Variants in RABL2A observed in about 807,000 individuals in gnomAD.
RABL2A encodes the protein RAB, member of RAS oncogene family like 2A, also known as rab-like protein 2A.
RABL2A carries 17 observed loss-of-function variants against 30.7 expected under a neutral mutation model. The observed-to-expected ratio is 0.55, with a 90% confidence interval of 0.38 to 0.83. The LOEUF is 0.83. Among genes scored for constraint, RABL2A ranks in the 40% least tolerant of loss-of-function variants. The pLI, the probability that RABL2A is intolerant of heterozygous loss-of-function variation, is 0.00. For synonymous variants in RABL2A, 64 were observed against 101.8 expected, an observed-to-expected ratio of 0.63 and a Z score of 2.24; for missense variants, 155 against 272.6, an observed-to-expected ratio of 0.57 and a Z score of 3.04.
chr2:113,636,811 A>G (rs1423042471), intron 5 of RABL2A, among the ~76,000 whole-genome samples: 1 of 151,882 alleles, frequency 6.6e-6, no homozygotes, highest in Non-Finnish European at 1.5e-5. Flanking sequence ...ACACAGTGAA[A>G]CCCCGTCTCT....
intron 2 of RABL2A, among the ~76,000 whole-genome samples, chr2:113,629,686 C>T (rs1051277259): frequency 6.6e-6 from 1 of 152,176 alleles, no homozygotes; most frequent in African/African-American, 2.4e-5. Flanking sequence ...AGGCGCCCGC[C>T]ACCACACCCA....
chr2:113,634,539 G>A (rs894017769), intron 4 of RABL2A: 18 of 474,958 alleles, frequency 3.8e-5, no homozygotes, highest in Non-Finnish European at 6.9e-5. Context: ...GGCCTTCGAC[G>A]AGGCAGTAGT....
At chr2:113,640,638 A>G (rs1465749608) in intron 5 of RABL2A, 2 of 473,846 alleles carry the variant, frequency 4.2e-6, no homozygotes, top group Admixed American at 3.6e-5. Flanking sequence ...CAACCTCCCA[A>G]AGTGCTGGGA....
At chr2:113,638,252 C>T (rs1683691281) in intron 5 of RABL2A, 2 of 985,252 alleles carry the variant, frequency 2.0e-6, no homozygotes, top group Admixed American at 1.2e-4. Flanking sequence ...CATAGACTTC[C>T]TGCCACCTCT....
chr2:113,634,610 T>C (rs1574014582), intron 4 of RABL2A: 1 of 413,920 alleles, frequency 2.4e-6, no homozygotes, highest in East Asian at 5.3e-5. Context: ...GTCAGAACAT[T>C]ATCTCCCACA....
chr2:113,628,856 C>A, intron 2 of RABL2A, 143 bp downstream of exon 2: 1 of 1,535,696 alleles, frequency 6.5e-7, no homozygotes, highest in Non-Finnish European at 8.9e-7. Flanking sequence ...CATGGGGGAA[C>A]GAGGGGAATC....
rs574646577 is a variant in RABL2A, at chr2:113,634,538, C to T, written c.217+306C>T. 115 of 474,418 alleles carry T rather than the reference C, an allele frequency of 2.4e-4. 1 individual carries two copies. Among genetic ancestry groups the T allele is most frequent in the African/African-American group, 2.1e-3 (106 of 51,300 alleles). The allele number at this position is 474,418 out of a possible 1,614,324, so 29.4% of individuals were successfully genotyped here. The stretch of plus-strand genomic sequence containing the variant: ...GAAGAAGAACATAAGAGGCCTTCGA[C>T]GAGGCAGTAGTTTTCCTAGCTTCAG... On this transcript the variant is annotated intron_variant, in intron 4 of 8. Coordinates refer to ENST00000683472, the MANE Select transcript of RABL2A (RefSeq NM_001306158.2).
At chr2:113,636,763 C>T (rs557839850) in intron 5 of RABL2A, among the ~76,000 whole-genome samples, 10 of 152,022 alleles carry the variant, frequency 6.6e-5, no homozygotes, top group African/African-American at 1.4e-4. Flanking sequence ...CCGAGGCGGG[C>T]GGATCACGAG....
At chr2:113,632,882 G>C (rs768874215) in intron 2 of RABL2A, 33 bp from the exon 3 acceptor site, 4 of 1,614,042 alleles carry the variant, frequency 2.5e-6, no homozygotes, top group African/African-American at 1.3e-5. Flanking sequence ...AGATGGAGAC[G>C]CCATCTGACC....
At position 113,640,739 on chromosome 2, in the gene RABL2A, G is replaced by A. The variant is rs1028827230; in HGVS notation, c.298-155G>A. 35 of 1,184,778 alleles carry A rather than the reference G, an allele frequency of 3.0e-5. No individual in the cohort carries two copies. The Middle Eastern group carries it at 1.1e-3, about 38-fold the overall frequency. 73.4% of individuals were successfully genotyped at this position (1,184,778 alleles called of 1,614,324 possible). ...GCTCCAGGGGGCTTCCCTGAGAAAC[G>A]GCAGCCTCTGCGGTCAGAGAGGCTG... On this transcript the variant is annotated intron_variant, in intron 5 of 8. Transcript: ENST00000683472.
chr2:113,632,432 A>T (rs1301889773), intron 2 of RABL2A, among the ~76,000 whole-genome samples: 1 of 152,222 alleles, frequency 6.6e-6, no homozygotes, highest in Non-Finnish European at 1.5e-5. Flanking sequence ...AGTAGCTGGG[A>T]TTACAGGCGT....
intron 5 of RABL2A, chr2:113,640,200 TAC>T (rs1429965826): frequency 6.6e-6 from 1 of 152,504 alleles, no homozygotes; most frequent in African/African-American, 2.4e-5. Context: ...TAGAAACATT[TAC>T]AGTTACTACA....
At chr2:113,634,624 G>A (rs545057388) in intron 4 of RABL2A, 6 of 406,914 alleles carry the variant, frequency 1.5e-5, no homozygotes, top group Non-Finnish European at 2.8e-5. Context: ...TCCCACATCG[G>A]GCTGCGACCT....
intron 7 of RABL2A, 127 bp downstream of exon 7, chr2:113,641,577 G>A (rs896255073): frequency 8.1e-6 from 13 of 1,598,792 alleles, no homozygotes; most frequent in African/African-American, 1.3e-5. Context: ...TGGGTGGCAG[G>A]GAGGGGAGGA....
intron 5 of RABL2A, chr2:113,637,897 T>G: frequency 2.4e-6 from 3 of 1,271,444 alleles, no homozygotes; most frequent in Middle Eastern, 2.4e-4. Context: ...CATGCCTGTG[T>G]CTGCAGGTGC....
chr2:113,637,296 C>T (rs1158223533), intron 5 of RABL2A: 1 of 926,254 alleles, frequency 1.1e-6, no homozygotes, highest in African/African-American at 1.8e-5. Context: ...GCTCATTTTT[C>T]AGGCCCTGCT....
At chr2:113,634,470 G>C in intron 4 of RABL2A, 1 of 563,626 alleles carries the variant, frequency 1.8e-6, no homozygotes, top group South Asian at 2.1e-5. Context: ...GTGCAGGACA[G>C]GGTTCAGGAA....
At chr2:113,637,683 AT>A (rs1683457904) in intron 5 of RABL2A, 1 of 1,282,680 alleles carries the variant, frequency 7.8e-7, no homozygotes, top group African/African-American at 1.5e-5. Context: ...GGCAAGGAAA[AT>A]GGGGGCAGTG....
rs1362998534 is a variant in RABL2A at position 113,642,319 on chromosome 2, G to C, written c.*190G>C. ...GTCAGCACCAGCAAACTCTGGACTG[G>C]TGGAAGAATTCCCCACCAGATCTCC... On this transcript the variant is annotated 3_prime_UTR_variant, in exon 9 of 9. Coordinates refer to ENST00000683472, the MANE Select transcript of RABL2A (RefSeq NM_001306158.2). 4 of 1,349,332 alleles carry C rather than the reference G, an allele frequency of 3.0e-6. No individual in the cohort carries two copies. Among genetic ancestry groups the C allele is most frequent in the Non-Finnish European group, 4.0e-6 (4 of 1,010,380 alleles). 83.6% of individuals were successfully genotyped at this position (1,349,332 alleles called of 1,614,324 possible).
Sources: allele counts gnomAD v4.1 joint callset (sites outside exome capture counted in the v4.1 genomes callset), GRCh38; gene constraint gnomAD v4.1.1; transcripts MANE v1.5; gene names NCBI Gene and HGNC (gene_info 2026-07-23, HGNC 2026-07-21).